Variants in ALK observed in about 807,000 individuals in gnomAD.
ALK encodes the protein ALK receptor tyrosine kinase.
In ALK, 74 loss-of-function variants were observed where a neutral mutation model predicts 163.1. The ratio of observed to expected loss-of-function variants is 0.45; its 90% CI spans 0.38 to 0.55. The LOEUF (loss-of-function observed/expected upper bound fraction) is 0.55, where lower values mean the gene tolerates loss of function less well. ALK is among the 20% of genes least tolerant of loss of function. The pLI is 0.00. For synonymous variants in ALK, 960 were observed against 843.2 expected (o/e 1.14, Z -2.40); for missense variants, 2,063 against 2,105.3 (o/e 0.98, Z 0.39).
At chr2:29,528,175 C>G (rs1673012607) in intron 4 of ALK, among the ~76,000 whole-genome samples, 1 of 152,178 alleles carries the variant, frequency 6.6e-6, no homozygotes, top group East Asian at 1.9e-4. Context: ...CTGTGTAGTT[C>G]TGGTCATACA....
rs893790294 is a variant in ALK at position 29,193,806 on chromosome 2, A to G, written c.4281T>C (p.Ser1427=). ...GCTCCTCCTCCCGTTTTGCCTGTTG[A>G]GAGACCAGGAGAGGAGGAACCCCCT... The part of the protein sequence containing the change: ...DPEGVPPLLV[S]QQAKREEERS... The change falls in exon 29 of 29, where the codon TCT becomes TCC. Residue 1427 remains serine, a synonymous_variant. Coordinates refer to ENST00000389048, the MANE Select transcript of ALK (RefSeq NM_004304.5). The G allele has an allele frequency of 4.4e-6, 7 of 1,599,198 alleles. No individual in the cohort carries two copies. In the African/African-American group the frequency reaches 6.7e-5, roughly 15 times the overall value.
At chr2:29,681,413 C>T (rs1316165207) in intron 3 of ALK, 1 of 152,110 alleles carries the variant, frequency 6.6e-6, no homozygotes, top group Admixed American at 6.5e-5. Context: ...GGCTTATATT[C>T]CTTAAGTCAG....
At chr2:29,372,812 T>C (rs1367393528) in intron 5 of ALK, among the ~76,000 whole-genome samples, 1 of 152,204 alleles carries the variant, frequency 6.6e-6, no homozygotes, top group African/African-American at 2.4e-5. Context: ...ACCTCTAATG[T>C]TGGAGAATAA....
At chr2:29,811,052 C>A (rs1211952907) in intron 1 of ALK, among the ~76,000 whole-genome samples, 1 of 151,996 alleles carries the variant, frequency 6.6e-6, no homozygotes, top group Non-Finnish European at 1.5e-5. Context: ...TTGGTTAAGT[C>A]ATCCAGTCCA....
chr2:29,722,502 A>G (rs1679450800), intron 1 of ALK, among the ~76,000 whole-genome samples: 1 of 152,326 alleles, frequency 6.6e-6, no homozygotes, highest in South Asian at 2.1e-4. Flanking sequence ...AAAACCATAC[A>G]GTGAATTTCT....
intron 9 of ALK, among the ~76,000 whole-genome samples, chr2:29,283,834 C>A (rs1665777226): frequency 1.3e-5 from 2 of 152,120 alleles, no homozygotes; most frequent in South Asian, 4.2e-4. Context: ...TCAAGCAGTG[C>A]CACAAATGAC....
intron 3 of ALK, among the ~76,000 whole-genome samples, chr2:29,580,450 AC>A (rs1674652624): frequency 6.6e-6 from 1 of 152,046 alleles, no homozygotes; most frequent in Non-Finnish European, 1.5e-5. Flanking sequence ...CAACCTTATA[AC>A]CAAAGCGTAG....
Position 29,705,282 on chromosome 2 carries a change from A to ATATATATATATATAT in ALK, c.788-10269_788-10268insATATATATATATATA, listed in dbSNP as rs1558451342. Among the ~76,000 whole-genome samples, 31 of 34,090 alleles carry ATATATATATATATAT rather than the reference A, an allele frequency of 9.1e-4. 4 individuals carry two copies. Among genetic ancestry groups the ATATATATATATATAT allele is most frequent in the Non-Finnish European group, 1.0e-3 (20 of 19,224 alleles). The allele number at this position is 34,090 out of a possible 152,430, so 22.4% of individuals were successfully genotyped here. A position where few individuals can be genotyped will look rare whatever the true frequency, so the allele number is the denominator to read the frequency against. On this transcript the variant is annotated intron_variant, in intron 2 of 28. Transcript: ENST00000389048. The stretch of plus-strand genomic sequence containing the variant: ...ATATATATATATATATATATATATA[A>ATATATATATATATAT]ATATATATCTGCTGTGATGATTGCA...
At chr2:29,779,322 C>A (rs1313692097) in intron 1 of ALK, among the ~76,000 whole-genome samples, 1 of 152,174 alleles carries the variant, frequency 6.6e-6, no homozygotes, top group Non-Finnish European at 1.5e-5. Context: ...GGGGCCTGGG[C>A]TGAGTGGGCT....
At chr2:29,884,694 A>T (rs1373585882) in intron 1 of ALK, among the ~76,000 whole-genome samples, 1 of 152,236 alleles carries the variant, frequency 6.6e-6, no homozygotes, top group Non-Finnish European at 1.5e-5. Flanking sequence ...TGGAGAAGGT[A>T]ATGTCAGCAA....
chr2:29,595,091 C>A (rs1675173005), intron 3 of ALK, among the ~76,000 whole-genome samples: 1 of 152,236 alleles, frequency 6.6e-6, no homozygotes, highest in South Asian at 2.1e-4. Flanking sequence ...TCCCAGATGT[C>A]TTTTCATTGT....
intron 1 of ALK, among the ~76,000 whole-genome samples, chr2:29,794,411 G>T (rs1041794557): frequency 2.0e-5 from 3 of 152,206 alleles, no homozygotes; most frequent in Middle Eastern, 6.8e-3. Context: ...AATCATTTGT[G>T]TGTTCACTGG....
rs74871432 is a variant in ALK at position 29,728,093 on chromosome 2, T to A, written c.668-10396A>T. The stretch of plus-strand genomic sequence containing the variant: ...GAGACATGTTTTTGTTCTTTAAACC[T>A]TTAAGCTGCAATACTCTGGGATGTT... On this transcript the variant is annotated intron_variant, in intron 1 of 28. Transcript: ENST00000389048. 5.7e-3 allele frequency among the ~76,000 whole-genome samples: 861 copies of A among 152,162 alleles called. 4 individuals are homozygous for A. Among genetic ancestry groups the A allele is most frequent in the Middle Eastern group, 0.034 (10 of 294 alleles).
At chr2:29,569,626 T>A (rs1340661343) in intron 3 of ALK, among the ~76,000 whole-genome samples, 2 of 152,122 alleles carry the variant, frequency 1.3e-5, no homozygotes, top group Non-Finnish European at 2.9e-5. Flanking sequence ...TGGCAGCACA[T>A]GAAAACTGAT....
chr2:29,716,599 G>A (rs1162691937), intron 2 of ALK, among the ~76,000 whole-genome samples: 1 of 152,080 alleles, frequency 6.6e-6, no homozygotes, highest in African/African-American at 2.4e-5. Flanking sequence ...GTGGTACCTG[G>A]GAGAAAAAAT....
intron 3 of ALK, among the ~76,000 whole-genome samples, chr2:29,635,562 C>T (rs554902638): frequency 8.5e-4 from 129 of 152,142 alleles, no homozygotes; most frequent in African/African-American, 2.9e-3. Context: ...TCTGCTGACA[C>T]TTTGATTTTT....
intron 9 of ALK, among the ~76,000 whole-genome samples, chr2:29,295,333 G>GAA (rs140799972): frequency 0.014 from 2,144 of 151,844 alleles, 51 homozygotes; most frequent in African/African-American, 0.049. Context: ...GGATTGAGGA[G>GAA]AAAAAAAACA....
At chr2:29,661,411 T>C (rs1677342553) in intron 3 of ALK, among the ~76,000 whole-genome samples, 1 of 152,206 alleles carries the variant, frequency 6.6e-6, no homozygotes, top group African/African-American at 2.4e-5. Context: ...CTCACCACAC[T>C]ATCTGGCTCA....
At chr2:29,562,540 A>G (rs1280634453) in intron 3 of ALK, among the ~76,000 whole-genome samples, 1 of 152,150 alleles carries the variant, frequency 6.6e-6, no homozygotes, top group Non-Finnish European at 1.5e-5. Context: ...GGACAATTAC[A>G]TTCCTTGATA....
Sources: gnomAD v4.1 joint callset for allele counts (sites outside exome capture counted in the v4.1 genomes callset) on GRCh38, gnomAD v4.1.1 for gene constraint, MANE v1.5 for transcripts, NCBI Gene and HGNC (gene_info 2026-07-23, HGNC 2026-07-21) for gene names.